Variants in ZNF569 observed in about 807,000 individuals in gnomAD.
ZNF569 encodes zinc finger protein 569.
ZNF569 carries 38 observed loss-of-function variants against 56.3 expected under a neutral mutation model. That is an observed-to-expected ratio of 0.68 (90% CI 0.52 to 0.88). The LOEUF (loss-of-function observed/expected upper bound fraction) is 0.88. Ranked by LOEUF, ZNF569 falls within the 40% of genes least tolerant of loss-of-function variation. ZNF569 has a pLI of 0.00. For missense variants in ZNF569, 666 were observed against 809.2 expected, an observed-to-expected ratio of 0.82 and a Z score of 2.15; for synonymous variants, 241 against 262.9, an observed-to-expected ratio of 0.92 and a Z score of 0.81.
intron 3 of ZNF569, among the ~76,000 whole-genome samples, chr19:37,436,838 G>A (rs924874106): frequency 5.3e-5 from 8 of 151,806 alleles, no homozygotes; most frequent in Non-Finnish European, 7.4e-5. Flanking sequence ...AAAAGTCTCC[G>A]AGCAAAGAAA....
At chr19:37,421,084 G>A (rs1439008811) in intron 5 of ZNF569, among the ~76,000 whole-genome samples, 2 of 152,176 alleles carry the variant, frequency 1.3e-5, no homozygotes, top group African/African-American at 4.8e-5. Context: ...TCAACAGTGG[G>A]CTTAAAATAT....
At chr19:37,442,543 A>G (rs2041424085) in intron 3 of ZNF569, among the ~76,000 whole-genome samples, 1 of 152,224 alleles carries the variant, frequency 6.6e-6, no homozygotes, top group Non-Finnish European at 1.5e-5. Context: ...GGTATTAAGC[A>G]GAGAAGTCAT....
intron 2 of ZNF569, among the ~76,000 whole-genome samples, chr19:37,451,395 A>C (rs2041590639): frequency 1.6e-5 from 2 of 122,532 alleles, no homozygotes; most frequent in Non-Finnish European, 3.3e-5. Flanking sequence ...GCAAGACCCC[A>C]TCTGAAAAAA....
At chr19:37,469,256 G>A (rs939621455), upstream of ZNF569, 109 of 1,390,330 alleles carry the variant, frequency 7.8e-5, no homozygotes, top group Non-Finnish European at 9.6e-5. Flanking sequence ...ACACTGCGAC[G>A]CCGCGACCTT....
At chr19:37,425,129 A>G (rs916790430) in intron 5 of ZNF569, among the ~76,000 whole-genome samples, 1 of 151,750 alleles carries the variant, frequency 6.6e-6, no homozygotes, top group African/African-American at 2.4e-5. Context: ...ATACACACAC[A>G]AAAGGTCTAC....
In ZNF569 at chr19:37,454,547, A is replaced by C. The variant is rs2041643160; in HGVS notation, c.-43-9583T>G. ...TCCTAAACTGCAATAGCTTTCTACA[A>C]GTCTCCTAAGGCAACTGTTTTTGCT... On this transcript the variant is annotated intron_variant, in intron 2 of 5. Transcript: ENST00000316950. Among the ~76,000 whole-genome samples the C allele has an allele frequency of 2.0e-5, 3 of 151,964 alleles. 1 individual carries two copies. The highest frequency in any genetic ancestry group is 2.0e-4 in the Admixed American group (3 of 15,242).
chr19:37,437,618 C>A (rs1206364708), intron 3 of ZNF569, among the ~76,000 whole-genome samples: 1 of 152,084 alleles, frequency 6.6e-6, no homozygotes, highest in Admixed American at 6.5e-5. Context: ...AACTGATAAA[C>A]AAATTCAGTA....
rs188378156 is a variant in ZNF569, at chr19:37,421,285, G to C, written c.238+4583C>G. Among the ~76,000 whole-genome samples the C allele has an allele frequency of 1.2e-3, 184 of 152,270 alleles. 1 individual carries two copies. The highest frequency in any genetic ancestry group is 9.6e-4 in the Non-Finnish European group (65 of 68,026). On this transcript the variant is annotated intron_variant, in intron 5 of 5. Transcript: ENST00000316950. ...TAACAGGAGGGTCAGTCTGTCATTTGAAACTTTGAAGCCAGCCACTGACTT... is the reference window on the plus strand; with the variant it reads ...TAACAGGAGGGTCAGTCTGTCATTTCAAACTTTGAAGCCAGCCACTGACTT...
At chr19:37,435,935 C>G (rs1184766659) in intron 3 of ZNF569, among the ~76,000 whole-genome samples, 1 of 152,110 alleles carries the variant, frequency 6.6e-6, no homozygotes, top group Non-Finnish European at 1.5e-5. Context: ...ACTGGACAGA[C>G]TATCCAGATA....
intron 5 of ZNF569, among the ~76,000 whole-genome samples, chr19:37,421,026 AG>A (rs2041026536): frequency 6.6e-6 from 1 of 152,224 alleles, no homozygotes; most frequent in African/African-American, 2.4e-5. Context: ...ACTGTCAATG[AG>A]CAATACTATT....
At chr19:37,463,149 A>G (rs932598547) in intron 2 of ZNF569, among the ~76,000 whole-genome samples, 2 of 152,190 alleles carry the variant, frequency 1.3e-5, no homozygotes, top group South Asian at 2.1e-4. Flanking sequence ...CCTTTAAATT[A>G]TATCTAGTAC....
chr19:37,428,340 C>CAATAAATG (rs1555835823), intron 3 of ZNF569, among the ~76,000 whole-genome samples: 78 of 150,466 alleles, frequency 5.2e-4, no homozygotes, highest in Admixed American at 3.4e-3. Context: ...CTCATCTCTA[C>CAATAAATG]AATAAATGAA....
chr19:37,412,435 T>C lies in ZNF569; in HGVS notation c.*162A>G, dbSNP rs1600282532. 3.2e-6 allele frequency: 4 copies of C among 1,249,972 alleles called. No individual in the cohort carries two copies. The East Asian group carries it at 1.1e-4, about 35-fold the overall frequency. 77.4% of individuals were successfully genotyped at this position (1,249,972 alleles called of 1,614,324 possible). ...GGTAACAGCTTTTTCATTATATAATTTGTCACCTTGGAAGAATTCTCTAAT... is the reference window on the plus strand; with the variant it reads ...GGTAACAGCTTTTTCATTATATAATCTGTCACCTTGGAAGAATTCTCTAAT... On this transcript the variant is annotated 3_prime_UTR_variant, in exon 6 of 6. Transcript: ENST00000316950.
At chr19:37,428,130 T>C (rs1266070769) in intron 3 of ZNF569, among the ~76,000 whole-genome samples, 2 of 152,128 alleles carry the variant, frequency 1.3e-5, no homozygotes, top group South Asian at 4.1e-4. Flanking sequence ...AGAAAATACT[T>C]GGGAAAAAGA....
chr19:37,460,765 CAA>C (rs113644505), intron 2 of ZNF569, among the ~76,000 whole-genome samples: 17 of 120,754 alleles, frequency 1.4e-4, no homozygotes, highest in Non-Finnish European at 1.1e-4. Context: ...TACCCTGTCT[CAA>C]AAAAAAAAAA....
At chr19:37,421,743 CTTTTTT>C (rs748058159) in intron 5 of ZNF569, among the ~76,000 whole-genome samples, 2 of 79,664 alleles carry the variant, frequency 2.5e-5, no homozygotes, top group African/African-American at 5.2e-5. Context: ...TGTAGTGGCA[CTTTTTT>C]TTTTTTTTTT....
chr19:37,416,648 A>AT, intron 5 of ZNF569, among the ~76,000 whole-genome samples: 1 of 152,156 alleles, frequency 6.6e-6, no homozygotes, highest in African/African-American at 2.4e-5. Flanking sequence ...AATTTGTATT[A>AT]TTTTTTATTG....
chr19:37,416,601 T>C (rs2040937538), intron 5 of ZNF569, among the ~76,000 whole-genome samples: 1 of 152,204 alleles, frequency 6.6e-6, no homozygotes, highest in African/African-American at 2.4e-5. Flanking sequence ...GAATACAATA[T>C]AAATGCTATG....
chr19:37,451,483 T>C (rs550620033), intron 2 of ZNF569, among the ~76,000 whole-genome samples: 55 of 152,132 alleles, frequency 3.6e-4, no homozygotes, highest in African/African-American at 1.3e-3. Context: ...TGTTTCCTTA[T>C]TGATTTGTCA....
Sources: gnomAD v4.1 joint callset for allele counts (sites outside exome capture counted in the v4.1 genomes callset) on GRCh38, gnomAD v4.1.1 for gene constraint, MANE v1.5 for transcripts, NCBI Gene and HGNC (gene_info 2026-07-23, HGNC 2026-07-21) for gene names.